The following PDE4B variants were observed in gnomAD, a reference collection of about 807,000 sequenced individuals.
The protein encoded by PDE4B is 3',5'-cyclic-AMP phosphodiesterase 4B.
A neutral mutation model predicts 82.2 loss-of-function variants in PDE4B; 20 were observed. The ratio of observed to expected loss-of-function variants is 0.24; its 90% CI spans 0.17 to 0.35. The LOEUF is 0.35. Among genes scored for constraint, PDE4B ranks in the 10% least tolerant of loss-of-function variants. The pLI is 1.00. For missense variants in PDE4B, 655 were observed against 907.2 expected, an observed-to-expected ratio of 0.72 and a Z score of 3.57; for synonymous variants, 320 against 318.9, an observed-to-expected ratio of 1.00 and a Z score of -0.04.
At chr1:65,902,922 G>A (rs899196928) in intron 1 of PDE4B, among the ~76,000 whole-genome samples, 1 of 152,106 alleles carries the variant, frequency 6.6e-6, no homozygotes, top group Non-Finnish European at 1.5e-5. Flanking sequence ...CACTGTAGTG[G>A]AACAAACTGT....
intron 3 of PDE4B, among the ~76,000 whole-genome samples, chr1:66,189,231 G>A (rs1283643828): frequency 6.6e-6 from 1 of 151,854 alleles, no homozygotes; most frequent in Non-Finnish European, 1.5e-5. Context: ...TCCCTTTGTG[G>A]GTAACCTGAC....
intron 8 of PDE4B, among the ~76,000 whole-genome samples, chr1:66,332,911 A>C (rs563869547): frequency 1.3e-5 from 2 of 152,354 alleles, no homozygotes; most frequent in African/African-American, 4.8e-5. Context: ...AAAGCTTCCA[A>C]ATCAATATAA....
At chr1:66,204,750 C>T (rs1181384577) in intron 3 of PDE4B, among the ~76,000 whole-genome samples, 1 of 152,172 alleles carries the variant, frequency 6.6e-6, no homozygotes, top group Non-Finnish European at 1.5e-5. Context: ...ATCTGTCAAC[C>T]TTTTCTTTGA....
At chr1:66,194,863 T>C (rs1039100218) in intron 3 of PDE4B, among the ~76,000 whole-genome samples, 70 of 152,160 alleles carry the variant, frequency 4.6e-4, no homozygotes, top group Admixed American at 1.6e-3. Flanking sequence ...CACTCACTTA[T>C]GTTTGAATTT....
chr1:65,903,876 T>C (rs898075579), intron 1 of PDE4B, among the ~76,000 whole-genome samples: 1 of 152,192 alleles, frequency 6.6e-6, no homozygotes, highest in Non-Finnish European at 1.5e-5. Flanking sequence ...AGGGAATCAC[T>C]GGCAGACTTC....
chr1:65,876,870 G>T (rs1363629076), intron 1 of PDE4B, among the ~76,000 whole-genome samples: 1 of 152,096 alleles, frequency 6.6e-6, no homozygotes, highest in Admixed American at 6.6e-5. Flanking sequence ...TCTTCAAGGA[G>T]AACTACAAAC....
intron 9 of PDE4B, among the ~76,000 whole-genome samples, chr1:66,357,349 A>G (rs1662333872): frequency 6.6e-6 from 1 of 152,128 alleles, no homozygotes; most frequent in Non-Finnish European, 1.5e-5. Flanking sequence ...TTTTATCACC[A>G]TAGTCTACCA....
chr1:66,058,179 A>G (rs529642957), intron 3 of PDE4B, among the ~76,000 whole-genome samples: 1 of 152,330 alleles, frequency 6.6e-6, no homozygotes, highest in Admixed American at 6.5e-5. Flanking sequence ...AAGCTCCCAA[A>G]TGATCTCCTT....
At chr1:66,348,099 T>C (rs1402304846) in intron 8 of PDE4B, among the ~76,000 whole-genome samples, 1 of 152,184 alleles carries the variant, frequency 6.6e-6, no homozygotes, top group African/African-American at 2.4e-5. Flanking sequence ...TGAAAAATAC[T>C]ATAAGTTGTA....
intron 3 of PDE4B, among the ~76,000 whole-genome samples, chr1:66,017,437 T>C (rs1483536219): frequency 6.6e-6 from 1 of 152,212 alleles, no homozygotes; most frequent in Non-Finnish European, 1.5e-5. Context: ...CAGTCAGGGT[T>C]TATTTAGCAT....
At position 65,924,167 on chromosome 1, in the gene PDE4B, C is replaced by T. The variant is rs1018179717; in HGVS notation, c.281+5332C>T. Among the ~76,000 whole-genome samples the T allele has an allele frequency of 4.7e-5, 6 of 127,576 alleles. No individual in the cohort carries two copies. In the East Asian group the frequency reaches 6.7e-4, roughly 14 times the overall value. The allele number at this position is 127,576 out of a possible 152,430, so 83.7% of individuals were successfully genotyped here. ...TCGGCTCACTGCAAGCTCCGCCTCC[C>T]GGGTTCACGCCATTCTCCTGCCTCA... On this transcript the variant is annotated intron_variant, in intron 3 of 16. Transcript: ENST00000341517.
intron 4 of PDE4B, among the ~76,000 whole-genome samples, chr1:66,251,138 G>A (rs1653741799): frequency 6.6e-6 from 1 of 152,164 alleles, no homozygotes; most frequent in African/African-American, 2.4e-5. Context: ...CTCTTTTATT[G>A]TCTCTAAATT....
chr1:66,248,335 G>A (rs1653486284), intron 4 of PDE4B, among the ~76,000 whole-genome samples: 2 of 152,298 alleles, frequency 1.3e-5, no homozygotes, highest in South Asian at 4.1e-4. Context: ...TGGAATTCAT[G>A]CCTTAAAAGG....
intron 3 of PDE4B, among the ~76,000 whole-genome samples, chr1:66,104,345 A>T (rs1295413038): frequency 2.7e-5 from 4 of 149,234 alleles, no homozygotes; most frequent in Non-Finnish European, 6.0e-5. Context: ...TCATTGTTGG[A>T]CATTTGGGTT....
intron 3 of PDE4B, among the ~76,000 whole-genome samples, chr1:66,127,513 A>G (rs1409964736): frequency 1.3e-5 from 2 of 152,316 alleles, no homozygotes; most frequent in South Asian, 2.1e-4. Flanking sequence ...GTACTAAAGT[A>G]TAGAATTTAA....
At chr1:66,193,417 C>T (rs1025963086) in intron 3 of PDE4B, among the ~76,000 whole-genome samples, 6 of 152,126 alleles carry the variant, frequency 3.9e-5, no homozygotes, top group Non-Finnish European at 7.4e-5. Flanking sequence ...TTCACCATAT[C>T]CCGTTCCTTC....
At chr1:65,908,409 A>C (rs903816303) in intron 1 of PDE4B, among the ~76,000 whole-genome samples, 1 of 152,162 alleles carries the variant, frequency 6.6e-6, no homozygotes, top group Non-Finnish European at 1.5e-5. Context: ...AACTGACAGT[A>C]TCTCTTCTCT....
chr1:66,199,777 T>C (rs796954489), intron 3 of PDE4B, among the ~76,000 whole-genome samples: 7 of 152,210 alleles, frequency 4.6e-5, no homozygotes, highest in African/African-American at 1.7e-4. Context: ...TCCTATTTGG[T>C]AATTTCAAGA....
intron 1 of PDE4B, among the ~76,000 whole-genome samples, chr1:65,885,042 T>C (rs999880432): frequency 6.6e-6 from 1 of 152,108 alleles, no homozygotes; most frequent in African/African-American, 2.4e-5. Flanking sequence ...CATCAAAAAG[T>C]GGGCAAAGGA....
Sources: gnomAD v4.1 joint callset for allele counts (sites outside exome capture counted in the v4.1 genomes callset) on GRCh38, gnomAD v4.1.1 for gene constraint, MANE v1.5 for transcripts, NCBI Gene and HGNC (gene_info 2026-07-23, HGNC 2026-07-21) for gene names.